Variants in EML1 observed in about 807,000 individuals in gnomAD.
The protein encoded by EML1 is EMAP like 1, also known as echinoderm microtubule-associated protein-like 1.
Under a neutral mutation model 110.4 loss-of-function variants are expected in EML1, and 27 were observed. The observed-to-expected ratio is 0.24, with a 90% CI of 0.18 to 0.34. The LOEUF is 0.34. Ranked by LOEUF, EML1 falls within the 10% of genes least tolerant of loss-of-function variation. EML1 has a pLI of 1.00. For missense variants in EML1, 741 were observed against 1,030.9 expected (o/e 0.72, Z 3.85); for synonymous variants, 344 against 385.8 (o/e 0.89, Z 1.27).
At chr14:99,910,376 T>G in intron 12 of EML1, 35 bp downstream of exon 12, 1 of 1,518,798 alleles carries the variant, frequency 6.6e-7, no homozygotes, top group Non-Finnish European at 9.1e-7. Flanking sequence ...CAATGGTTTT[T>G]GGTAATGTTG....
At chr14:99,749,663 TGAGCCCCAAACC>T in intron 1 of EML1, among the ~76,000 whole-genome samples, 1 of 152,188 alleles carries the variant, frequency 6.6e-6, no homozygotes, top group Non-Finnish European at 1.5e-5. Context: ...GAGGTTTCTG[TGAGCCCCAAACC>T]CATGTAGACA....
At chr14:99,790,865 C>CTTTTTTT (rs763959981), upstream of EML1, among the ~76,000 whole-genome samples, 27 of 138,460 alleles carry the variant, frequency 2.0e-4, 1 homozygote, top group Non-Finnish European at 2.5e-4. Context: ...TTTTTCTTTT[C>CTTTTTTT]CTTTTTTTTT....
chr14:99,892,458 AT>A (rs2059604151), intron 5 of EML1, among the ~76,000 whole-genome samples: 1 of 152,122 alleles, frequency 6.6e-6, no homozygotes, highest in Non-Finnish European at 1.5e-5. Context: ...TAAGAGAGCT[AT>A]AGGGCCACCC....
chr14:99,751,686 G>A (rs8015699), intron 1 of EML1, among the ~76,000 whole-genome samples: 62,644 of 151,856 alleles, frequency 0.41, 13,564 homozygotes, highest in African/African-American at 0.55. Flanking sequence ...TGAGAAAAGG[G>A]TGTTCCTGGC....
intron 17 of EML1, among the ~76,000 whole-genome samples, chr14:99,935,781 C>CAAAAAAAAAAAAAAAAA (rs1160100015): frequency 9.6e-5 from 8 of 83,712 alleles, no homozygotes; most frequent in African/African-American, 3.9e-4. Flanking sequence ...GACTCCGTCT[C>CAAAAAAAAAAAAAAAAA]AAAAAAAAAA....
intron 5 of EML1, 23 bp downstream of exon 5, chr14:99,891,250 A>G: frequency 6.2e-7 from 1 of 1,613,900 alleles, no homozygotes; most frequent in African/African-American, 1.3e-5. Context: ...TAATTTATGT[A>G]TGGGAACCCC....
upstream of EML1, among the ~76,000 whole-genome samples, chr14:99,768,943 C>T (rs2057394760): frequency 6.6e-6 from 1 of 152,130 alleles, no homozygotes; most frequent in African/African-American, 2.4e-5. Flanking sequence ...GTCTCAAACT[C>T]CTGACCTCAG....
intron 1 of EML1, among the ~76,000 whole-genome samples, chr14:99,752,941 G>A (rs2057193314): frequency 6.6e-6 from 1 of 152,160 alleles, no homozygotes; most frequent in African/African-American, 2.4e-5. Flanking sequence ...GAAGCTGGAA[G>A]GCAGGGCGTG....
In EML1 at chr14:99,743,189, G is replaced by A. The variant is rs536098736; in HGVS notation, c.28+5329G>A. On this transcript the variant is annotated intron_variant, in intron 1 of 10. Transcript: ENST00000554479. ...GAGACTGGCTCAGTCACCCAGCGAG[G>A]GCATGGTGAGCTGGGGCTCAGGCTG... is the stretch of plus-strand genomic sequence containing the variant. 2.0e-5 allele frequency among the ~76,000 whole-genome samples: 3 copies of A among 152,288 alleles called. No individual in the cohort carries two copies. The East Asian group carries it at 5.8e-4, about 29-fold the overall frequency.
intron 1 of EML1, among the ~76,000 whole-genome samples, chr14:99,753,629 G>A (rs1447703254): frequency 6.6e-6 from 1 of 152,146 alleles, no homozygotes; most frequent in Admixed American, 6.5e-5. Context: ...TGAGGTCCGT[G>A]TCTGCGTCTG....
At chr14:99,741,942 C>T (rs184739923) in intron 1 of EML1, among the ~76,000 whole-genome samples, 3 of 152,268 alleles carry the variant, frequency 2.0e-5, no homozygotes, top group African/African-American at 4.8e-5. Flanking sequence ...CTGCCCTGCT[C>T]GTAGGAGTCC....
chr14:99,907,552 A>C (rs1158657357), intron 9 of EML1, 86 bp from the exon 10 acceptor site: 1 of 1,211,430 alleles, frequency 8.3e-7, no homozygotes, highest in East Asian at 2.3e-5. Context: ...CTCTTTATTA[A>C]AAATGAAATT....
upstream of EML1, among the ~76,000 whole-genome samples, chr14:99,792,309 G>C (rs951674594): frequency 5.3e-5 from 8 of 152,188 alleles, no homozygotes; most frequent in South Asian, 2.1e-4. Flanking sequence ...TTTTGGCATG[G>C]AACTGAATTA....
chr14:99,938,322 T>A (rs2060511965), intron 20 of EML1, among the ~76,000 whole-genome samples: 1 of 152,250 alleles, frequency 6.6e-6, no homozygotes, highest in Non-Finnish European at 1.5e-5. Flanking sequence ...AGGAATATTT[T>A]CATAAGTGAA....
intron 1 of EML1, among the ~76,000 whole-genome samples, chr14:99,807,261 A>G (rs114859062): frequency 0.044 from 6,639 of 152,324 alleles, 188 homozygotes; most frequent in Non-Finnish European, 0.056. Context: ...GGAGACAGAC[A>G]CATCTGGGTT....
intron 4 of EML1, among the ~76,000 whole-genome samples, chr14:99,882,730 C>A (rs1179591509): frequency 6.6e-6 from 1 of 151,054 alleles, no homozygotes. Flanking sequence ...TGTGTTGGGC[C>A]ACATTCAAAG....
At chr14:99,918,540 G>A (rs1237183155) in intron 16 of EML1, among the ~76,000 whole-genome samples, 1 of 152,154 alleles carries the variant, frequency 6.6e-6, no homozygotes, top group Non-Finnish European at 1.5e-5. Context: ...TTCTACTCCT[G>A]GTCACAGTGG....
At position 99,813,708 on chromosome 14, in the gene EML1, A is replaced by T. The variant is rs1014509981; in HGVS notation, c.67+20165A>T. ...GGGAGGCAGAGCAAGACTCTGTCTT[A>T]AAAAAAAAATTTTTTTTTAACTATA... On this transcript the variant is annotated intron_variant, in intron 1 of 21. Transcript: ENST00000262233. Among the ~76,000 whole-genome samples, 48 of 150,982 alleles carry T rather than the reference A, an allele frequency of 3.2e-4. 1 individual carries two copies. Among genetic ancestry groups the T allele is most frequent in the African/African-American group, 1.2e-3 (47 of 40,758 alleles).
chr14:99,877,366 G>A (rs1265246773), intron 3 of EML1, among the ~76,000 whole-genome samples: 1 of 152,090 alleles, frequency 6.6e-6, no homozygotes, highest in South Asian at 2.1e-4. Flanking sequence ...TCCATAGTGT[G>A]CTCTAAGAGG....
Sources: gnomAD v4.1 joint callset for allele counts (sites outside exome capture counted in the v4.1 genomes callset) on GRCh38, gnomAD v4.1.1 for gene constraint, MANE v1.5 for transcripts, NCBI Gene and HGNC (gene_info 2026-07-23, HGNC 2026-07-21) for gene names.